SOX5: variants seen among roughly 807,000 people sequenced by gnomAD.
The protein encoded by SOX5 is SRY-box transcription factor 5, also known as transcription factor SOX-5.
In SOX5, 9 loss-of-function variants were observed where a neutral mutation model predicts 92.0. That is an observed-to-expected ratio of 0.10 (90% CI 0.06 to 0.17). The LOEUF (loss-of-function observed/expected upper bound fraction) is 0.17, where lower values mean the gene tolerates loss of function less well. Ranked by LOEUF, SOX5 falls within the 10% of genes least tolerant of loss-of-function variation. SOX5 has a pLI of 1.00. For synonymous variants in SOX5, 344 were observed against 336.3 expected, an observed-to-expected ratio of 1.02 and a Z score of -0.25; for missense variants, 642 against 944.5, an observed-to-expected ratio of 0.68 and a Z score of 4.20.
chr12:23,999,141 T>TGTGTGTGTGC (rs1555467163), intron 4 of SOX5, among the ~76,000 whole-genome samples: 1 of 3,494 alleles, frequency 2.9e-4, no homozygotes, highest in Non-Finnish European at 1.2e-3. Flanking sequence ...AAAAAGACTC[T>TGTGTGTGTGC]GTGTGTGTGT....
At chr12:24,503,406 C>T (rs1948416401) in intron 1 of SOX5, among the ~76,000 whole-genome samples, 1 of 152,108 alleles carries the variant, frequency 6.6e-6, no homozygotes, top group Admixed American at 6.6e-5. Context: ...GTTTACAAAG[C>T]ATAGCTTAAA....
chr12:23,692,379 T>C (rs113022265), intron 6 of SOX5, among the ~76,000 whole-genome samples: 2,335 of 150,852 alleles, frequency 0.015, 19 homozygotes, highest in South Asian at 0.029. Context: ...GGAGGTTGCA[T>C]TGAGCTGAGA....
chr12:24,341,017 T>G (rs11047380), intron 2 of SOX5, among the ~76,000 whole-genome samples: 19,828 of 152,222 alleles, frequency 0.13, 1,687 homozygotes, highest in Non-Finnish European at 0.19. Flanking sequence ...ATTTCTTGCA[T>G]TTTTTGGTTC....
intron 2 of SOX5, among the ~76,000 whole-genome samples, chr12:24,311,775 C>T (rs1470460645): frequency 6.6e-6 from 1 of 152,048 alleles, no homozygotes; most frequent in Non-Finnish European, 1.5e-5. Flanking sequence ...TCATAGTATC[C>T]CCAGAATCAG....
At chr12:23,997,847 T>G (rs533309824) in intron 4 of SOX5, among the ~76,000 whole-genome samples, 1 of 152,254 alleles carries the variant, frequency 6.6e-6, no homozygotes, top group African/African-American at 2.4e-5. Flanking sequence ...AAAGAAACAT[T>G]AGGCAGAGAC....
intron 3 of SOX5, among the ~76,000 whole-genome samples, chr12:23,813,129 A>G (rs1248383427): frequency 6.6e-6 from 1 of 152,190 alleles, no homozygotes; most frequent in Non-Finnish European, 1.5e-5. Flanking sequence ...TATCGGGCAT[A>G]CAACAATAAT....
intron 4 of SOX5, chr12:24,212,570 T>C: frequency 6.0e-6 from 3 of 501,070 alleles, no homozygotes; most frequent in South Asian, 1.5e-5. Flanking sequence ...TAAGCAATAA[T>C]AGTGAGAGTT....
At chr12:23,845,641 A>AG (rs11413282) in intron 3 of SOX5, among the ~76,000 whole-genome samples, 58,457 of 151,762 alleles carry the variant, frequency 0.39, 12,348 homozygotes, top group East Asian at 0.78. Flanking sequence ...TTAATCCTCA[A>AG]GGGAAAAAAA....
At chr12:23,831,238 T>C (rs2096312618) in intron 3 of SOX5, among the ~76,000 whole-genome samples, 1 of 152,056 alleles carries the variant, frequency 6.6e-6, no homozygotes, top group African/African-American at 2.4e-5. Context: ...CAGATGCAAA[T>C]ATCAAAACGA....
At chr12:24,014,808 G>A (rs1214658868) in intron 4 of SOX5, among the ~76,000 whole-genome samples, 2 of 152,092 alleles carry the variant, frequency 1.3e-5, no homozygotes, top group Admixed American at 6.6e-5. Flanking sequence ...TTCACAATCT[G>A]GGGGCCTTGT....
chr12:23,628,368 A>G (rs2078106500), intron 8 of SOX5, among the ~76,000 whole-genome samples: 1 of 152,112 alleles, frequency 6.6e-6, no homozygotes, highest in African/African-American at 2.4e-5. Context: ...CAACTGTTAC[A>G]GATGAAAGGA....
rs1389002327 is a variant in SOX5, at chr12:23,530,356, T to C, written c.*3863A>G. 1.3e-5 allele frequency: 2 copies of C among 152,212 alleles called. No individual in the cohort carries two copies. The highest frequency in any genetic ancestry group is 4.8e-5 in the African/African-American group (2 of 41,446). 9.4% of individuals were successfully genotyped at this position (152,212 alleles called of 1,614,324 possible). A position where few individuals can be genotyped will look rare whatever the true frequency, so the allele number is the denominator to read the frequency against. On this transcript the variant is annotated 3_prime_UTR_variant, in exon 15 of 15. Coordinates refer to ENST00000451604, the MANE Select transcript of SOX5 (RefSeq NM_006940.6). ...TCACAGCTTCTGGATTAAGAAAATA[T>C]CTGAAGTTGGACCAAAAAATGGTTA... is the stretch of plus-strand genomic sequence containing the variant.
intron 4 of SOX5, among the ~76,000 whole-genome samples, chr12:23,959,574 C>A (rs1402379272): frequency 3.3e-5 from 5 of 151,838 alleles, no homozygotes; most frequent in African/African-American, 1.2e-4. Context: ...TATATAAACA[C>A]CAAAAACTTG....
chr12:24,378,433 A>C (rs1957503646), intron 1 of SOX5, among the ~76,000 whole-genome samples: 1 of 152,226 alleles, frequency 6.6e-6, no homozygotes, highest in African/African-American at 2.4e-5. Context: ...CTTTAATCTT[A>C]AAAGGGTTTC....
chr12:24,257,949 T>C (rs1474449649), intron 3 of SOX5, among the ~76,000 whole-genome samples: 2 of 151,932 alleles, frequency 1.3e-5, no homozygotes, highest in African/African-American at 4.8e-5. Context: ...CCGAGGCAAG[T>C]GGATCACGAG....
chr12:23,638,147 A>G (rs1018780705), intron 8 of SOX5: 46 of 152,362 alleles, frequency 3.0e-4, no homozygotes, highest in African/African-American at 9.9e-4. Flanking sequence ...AAAGCTGTTC[A>G]ATACACAAGA....
intron 9 of SOX5, among the ~76,000 whole-genome samples, chr12:23,599,054 C>T (rs574146970): frequency 1.4e-4 from 21 of 152,260 alleles, no homozygotes; most frequent in Non-Finnish European, 2.5e-4. Flanking sequence ...ATTGATATAA[C>T]GTTTACTTGA....
At chr12:23,552,223 A>G (rs1285792054) in intron 11 of SOX5, among the ~76,000 whole-genome samples, 4 of 151,948 alleles carry the variant, frequency 2.6e-5, no homozygotes, top group African/African-American at 9.7e-5. Context: ...CACTTAATGT[A>G]TACTCCAGAA....
intron 2 of SOX5, among the ~76,000 whole-genome samples, chr12:23,868,528 C>T (rs2096839599): frequency 6.6e-6 from 1 of 152,102 alleles, no homozygotes; most frequent in Admixed American, 6.5e-5. Context: ...CTCTATAATT[C>T]AACCCTAAGT....
Sources: gnomAD v4.1 joint callset for allele counts (sites outside exome capture counted in the v4.1 genomes callset) on GRCh38, gnomAD v4.1.1 for gene constraint, MANE v1.5 for transcripts, NCBI Gene and HGNC (gene_info 2026-07-23, HGNC 2026-07-21) for gene names.